Variants in WDR72 observed in about 807,000 individuals in gnomAD.
WDR72 encodes WD repeat domain 72, also known as WD repeat-containing protein 72.
In WDR72, 120 loss-of-function variants were observed where a neutral mutation model predicts 124.2. That is an observed-to-expected ratio of 0.97 (90% CI 0.83 to 1.12). WDR72 has a LOEUF of 1.12. Among genes scored for constraint, WDR72 ranks in the 50% most tolerant of loss-of-function variants. The pLI is 0.00. For missense variants in WDR72, 1,387 were observed against 1,278.8 expected, an observed-to-expected ratio of 1.08 and a Z score of -1.29; for synonymous variants, 452 against 441.7, an observed-to-expected ratio of 1.02 and a Z score of -0.29.
At chr15:53,607,826 C>A (rs2013353826) in intron 17 of WDR72, among the ~76,000 whole-genome samples, 1 of 151,952 alleles carries the variant, frequency 6.6e-6, no homozygotes, top group East Asian at 1.9e-4. Context: ...ATCTAACAAT[C>A]CAATAAAAAA....
intron 18 of WDR72, among the ~76,000 whole-genome samples, chr15:53,555,365 A>T (rs1893890767): frequency 6.6e-6 from 1 of 152,004 alleles, no homozygotes; most frequent in Non-Finnish European, 1.5e-5. Context: ...AAACACTGGG[A>T]GACAAAGATG....
chr15:53,675,073 C>T (rs968517510), intron 13 of WDR72, among the ~76,000 whole-genome samples: 6 of 152,170 alleles, frequency 3.9e-5, no homozygotes, highest in Admixed American at 6.5e-5. Flanking sequence ...TATTAACACA[C>T]GCTAGCAGCG....
At chr15:53,687,383 A>C (rs2016674580) in intron 13 of WDR72, among the ~76,000 whole-genome samples, 1 of 150,318 alleles carries the variant, frequency 6.7e-6, no homozygotes, top group Non-Finnish European at 1.5e-5. Context: ...AGGGGATATC[A>C]CCACCAATCC....
Position 53,665,674 on chromosome 15 carries a change from G to C in WDR72, c.1860C>G (p.Ala620=). 1 of 1,613,854 alleles carries C rather than the reference G, an allele frequency of 6.2e-7. No homozygotes were observed. The highest frequency in any genetic ancestry group is 8.5e-7 in the Non-Finnish European group (1 of 1,179,880). The change falls in exon 14 of 20, where the codon GCC becomes GCG. Residue 620 remains alanine (A), a synonymous_variant. Transcript: ENST00000360509. The part of the protein sequence containing the change: ...SQLVKSVLPI[A]SETLKHKSIE... ...TACTTTTGTGCTTAAGTGTCTCTGA[G>C]GCAATGGGAAGTACAGACTTCACAA...
chr15:53,523,292 T>A lies in WDR72; in HGVS notation c.3179A>T (p.Asn1060Ile). The A allele has an allele frequency of 6.2e-7, 1 of 1,612,956 alleles. No individual in the cohort carries two copies. Among genetic ancestry groups the A allele is most frequent in the East Asian group, 2.2e-5 (1 of 44,840 alleles). Residue 1060 changes from asparagine (N) to isoleucine (I), a missense_variant, in exon 19 of 20, where the codon AAC becomes ATC. Coordinates refer to ENST00000360509, the MANE Select transcript of WDR72 (RefSeq NM_182758.4). ...GTCTTGGAAGTTTGCCGAGTTTGAG[T>A]TGCTGTCATGCTTGACCGGGCTGAC... is the stretch of plus-strand genomic sequence containing the variant. ...TPVSPVKHDS[N>I]SNSANFQDVE...
chr15:53,714,181 CTGTGTGTGTG>C (rs147902451), intron 6 of WDR72, among the ~76,000 whole-genome samples: 1 of 150,334 alleles, frequency 6.7e-6, no homozygotes, highest in Non-Finnish European at 1.5e-5. Context: ...TGTAATCTTT[CTGTGTGTGTG>C]TGTGTGTGTG....
At chr15:53,594,469 A>C (rs1375730454) in intron 18 of WDR72, among the ~76,000 whole-genome samples, 1 of 152,052 alleles carries the variant, frequency 6.6e-6, no homozygotes, top group Non-Finnish European at 1.5e-5. Flanking sequence ...AAATTTGAGG[A>C]ATTACTACAC....
chr15:53,718,772 A>T (rs1257157532), intron 3 of WDR72, among the ~76,000 whole-genome samples: 3 of 84,584 alleles, frequency 3.5e-5, no homozygotes, highest in Non-Finnish European at 1.2e-4. Context: ...AATTTTAAGA[A>T]TTTTAAAAAT....
In WDR72 at chr15:53,705,043, G is replaced by A. The variant is rs922990512; in HGVS notation, c.1293C>T (p.Thr431=). Residue 431 remains threonine, a synonymous_variant, in exon 11 of 20, where the codon ACC becomes ACT. Transcript: ENST00000360509. ...TTGCTTTGGCAGCATTCAAAGCCTGGGTAATGATAATTGTCCCATCTTCAC... is the reference window on the plus strand; with the variant it reads ...TTGCTTTGGCAGCATTCAAAGCCTGAGTAATGATAATTGTCCCATCTTCAC... ...CGCEDGTIII[T]QALNAAKARL... is the part of the protein sequence containing the mutation. The A allele has an allele frequency of 5.0e-6, 8 of 1,613,956 alleles. No homozygotes were observed. The African/African-American group carries it at 9.3e-5, about 19-fold the overall frequency.
chr15:53,613,669 T>A lies in WDR72; in HGVS notation c.2869A>T (p.Asn957Tyr). The change falls in exon 16 of 20, where the codon AAT becomes TAT. Residue 957 changes from asparagine to tyrosine, a missense_variant. Asn to Tyr is a moderately radical substitution (Grantham distance 143). Coordinates refer to ENST00000360509, the MANE Select transcript of WDR72 (RefSeq NM_182758.4). The stretch of plus-strand genomic sequence containing the variant: ...TCTGTGCCAGTAACTCTCTTACCAT[T>A]TCGTAAGCAACTGTAGAAGCTTGAC... ...NMSSFYSCLR[N>Y]GKNESHVPEA... The A allele has an allele frequency of 6.2e-7, 1 of 1,607,416 alleles. No individual in the cohort carries two copies. Among genetic ancestry groups the A allele is most frequent in the Non-Finnish European group, 8.5e-7 (1 of 1,175,436 alleles).
At chr15:53,719,407 T>C (rs747505389) in intron 3 of WDR72, among the ~76,000 whole-genome samples, 2 of 152,222 alleles carry the variant, frequency 1.3e-5, no homozygotes, top group Non-Finnish European at 2.9e-5. Flanking sequence ...TCTACTCCCC[T>C]GGCTTCAGGT....
chr15:53,617,071 T>G (rs2140369989), intron 14 of WDR72, among the ~76,000 whole-genome samples: 1 of 152,094 alleles, frequency 6.6e-6, no homozygotes, highest in African/African-American at 2.4e-5. Context: ...TTTGTTGAAT[T>G]AATAATTAGC....
intron 9 of WDR72, 51 bp from the exon 10 acceptor site, chr15:53,706,125 T>C (rs368812535): frequency 6.4e-5 from 102 of 1,588,838 alleles, no homozygotes; most frequent in Non-Finnish European, 7.5e-5. Flanking sequence ...TAGAGAGAGA[T>C]GGCCACTGTT....
At chr15:53,762,442 G>A (rs749303950), upstream of WDR72, among the ~76,000 whole-genome samples, 12 of 152,174 alleles carry the variant, frequency 7.9e-5, no homozygotes, top group Non-Finnish European at 1.5e-4. Flanking sequence ...TTGACTGTAA[G>A]CTCTGTAAAG....
At chr15:53,688,489 A>G (rs2016723410) in intron 13 of WDR72, among the ~76,000 whole-genome samples, 1 of 152,024 alleles carries the variant, frequency 6.6e-6, no homozygotes, top group African/African-American at 2.4e-5. Flanking sequence ...TAAAATACCT[A>G]GGAATCCAAC....
intron 13 of WDR72, among the ~76,000 whole-genome samples, chr15:53,688,350 G>A (rs969200262): frequency 2.0e-5 from 3 of 147,692 alleles, no homozygotes; most frequent in Admixed American, 2.0e-4. Context: ...AAGCTGATAA[G>A]CAACTTCAGC....
In WDR72 at chr15:53,616,190, T is replaced by A; in HGVS notation, c.2016A>T (p.Thr672=). The change falls in exon 15 of 20, where the codon ACA becomes ACT. Residue 672 remains threonine, a synonymous_variant. Coordinates refer to ENST00000360509, the MANE Select transcript of WDR72 (RefSeq NM_182758.4). ...PRPFNVLPVK[T]KWSNVGFHIL... ...TATGAAAGCCAACGTTACTCCATTTTGTCTTCACAGGCAAGACATTAAAAG... is the reference window on the plus strand; with the variant it reads ...TATGAAAGCCAACGTTACTCCATTTAGTCTTCACAGGCAAGACATTAAAAG... The A allele has an allele frequency of 6.2e-7, 1 of 1,606,432 alleles. No individual in the cohort carries two copies. The highest frequency in any genetic ancestry group is 8.5e-7 in the Non-Finnish European group (1 of 1,178,774).
intron 2 of WDR72, among the ~76,000 whole-genome samples, chr15:53,730,508 G>A (rs1318399045): frequency 6.6e-6 from 1 of 152,190 alleles, no homozygotes; most frequent in Non-Finnish European, 1.5e-5. Flanking sequence ...GCAAGCGAGT[G>A]TTTAAGACCA....
chr15:53,665,886 T>C (rs971835633), intron 13 of WDR72, 118 bp from the exon 14 acceptor site: 10 of 980,236 alleles, frequency 1.0e-5, no homozygotes, highest in South Asian at 8.6e-5. Flanking sequence ...TGCCTTAGTA[T>C]CTTGCAACTG....
Sources: allele counts gnomAD v4.1 joint callset (sites outside exome capture counted in the v4.1 genomes callset), GRCh38; gene constraint gnomAD v4.1.1; transcripts MANE v1.5; gene names NCBI Gene and HGNC (gene_info 2026-07-23, HGNC 2026-07-21).